RPH3A: variants seen among roughly 807,000 people sequenced by gnomAD.
RPH3A encodes rabphilin-3A.
A neutral mutation model predicts 102.2 loss-of-function variants in RPH3A; 48 were observed. The ratio of observed to expected loss-of-function variants is 0.47; its 90% CI spans 0.37 to 0.60. The LOEUF is 0.60. Among genes scored for constraint, RPH3A ranks in the 20% least tolerant of loss-of-function variants. RPH3A has a pLI of 0.00. For missense variants in RPH3A, 781 were observed against 910.1 expected, an observed-to-expected ratio of 0.86 and a Z score of 1.83; for synonymous variants, 310 against 324.3, an observed-to-expected ratio of 0.96 and a Z score of 0.47.
chr12:112,656,628 T>A (rs910524267), intron 1 of RPH3A, among the ~76,000 whole-genome samples: 1 of 152,202 alleles, frequency 6.6e-6, no homozygotes, highest in Admixed American at 6.5e-5. Context: ...TATGTCCATT[T>A]GTACTCATCG....
At chr12:112,734,997 C>T (rs1211612614) in intron 1 of RPH3A, among the ~76,000 whole-genome samples, 3 of 152,170 alleles carry the variant, frequency 2.0e-5, no homozygotes, top group Non-Finnish European at 4.4e-5. Flanking sequence ...TGCCTAACCT[C>T]CTGGGAGTGC....
chr12:112,643,537 G>T (rs2039905572), intron 1 of RPH3A, among the ~76,000 whole-genome samples: 1 of 152,234 alleles, frequency 6.6e-6, no homozygotes, highest in Non-Finnish European at 1.5e-5. Flanking sequence ...ATAAAGAGAA[G>T]ACATAGTTTC....
intron 1 of RPH3A, among the ~76,000 whole-genome samples, chr12:112,608,207 C>T (rs2087894274): frequency 6.6e-6 from 1 of 151,566 alleles, no homozygotes; most frequent in Non-Finnish European, 1.5e-5. Flanking sequence ...TCTCTGCCTG[C>T]CGGGTTCAAG....
At chr12:112,836,407 C>A in intron 3 of RPH3A, 84 bp from the exon 4 acceptor site, 1 of 730,104 alleles carries the variant, frequency 1.4e-6, no homozygotes, top group Non-Finnish European at 2.2e-6. Flanking sequence ...GTGAGTGTTG[C>A]ATCCAGACAG....
chr12:112,818,239 C>A (rs1489311337), intron 2 of RPH3A, among the ~76,000 whole-genome samples: 1 of 146,650 alleles, frequency 6.8e-6, no homozygotes, highest in Non-Finnish European at 1.5e-5. Context: ...GGCAGAGCTT[C>A]AGTGAGCCGA....
chr12:112,685,413 C>T (rs985040345), intron 1 of RPH3A, among the ~76,000 whole-genome samples: 1 of 152,184 alleles, frequency 6.6e-6, no homozygotes, highest in African/African-American at 2.4e-5. Flanking sequence ...TAAGTCTCAG[C>T]CACTGTGGCT....
intron 3 of RPH3A, among the ~76,000 whole-genome samples, chr12:112,830,241 A>T (rs1347585653): frequency 6.6e-6 from 1 of 152,070 alleles, no homozygotes; most frequent in Non-Finnish European, 1.5e-5. Flanking sequence ...ATTGTTTCTC[A>T]TTTCTATGTA....
rs556612058 is a variant in RPH3A, at chr12:112,847,764, C to G, written c.152C>G (p.Thr51Ser). ...PDRQRKQEELTDEEKEIINRV... is the reference protein window; with the variant it reads ...PDRQRKQEELSDEEKEIINRV... Reference sequence around the variant, plus strand: ...AGGCAGAGGAAGCAGGAAGAGCTGACTGATGAGGAGAAAGAAATCATCAAC... The same window carrying G: ...AGGCAGAGGAAGCAGGAAGAGCTGAGTGATGAGGAGAAAGAAATCATCAAC... The change falls in exon 5 of 22, where the codon ACT becomes AGT. Residue 51 changes from threonine (T) to serine (S), a missense_variant. Transcript: ENST00000389385. 6.8e-6 allele frequency: 11 copies of G among 1,614,206 alleles called. No individual in the cohort carries two copies. In the African/African-American group the frequency reaches 1.5e-4, roughly 22 times the overall value.
At chr12:112,843,201 C>T (rs1345252822) in intron 4 of RPH3A, among the ~76,000 whole-genome samples, 1 of 152,184 alleles carries the variant, frequency 6.6e-6, no homozygotes, top group Non-Finnish European at 1.5e-5. Flanking sequence ...CATCGCTCCT[C>T]GACTCAGGAA....
In RPH3A at chr12:112,847,749, A is replaced by C; in HGVS notation, c.137A>C (p.Lys46Thr). 1 of 1,614,180 alleles carries C rather than the reference A, an allele frequency of 6.2e-7. No homozygotes were observed. The highest frequency in any genetic ancestry group is 8.5e-7 in the Non-Finnish European group (1 of 1,180,010). The change falls in exon 5 of 22, where the codon AAG becomes ACG. Residue 46 changes from lysine (K) to threonine (T), a missense_variant. By Grantham distance (78) the Lys-to-Thr change is moderately conservative. Around this residue, in one of 2 missense-constraint regions of RPH3A, gnomAD observed 730 missense variants for 810.0 expected, o/e 0.90. Transcript: ENST00000389385. ...GGTGGTCAGCCTGACAGGCAGAGGA[A>C]GCAGGAAGAGCTGACTGATGAGGAG... The part of the protein sequence containing the change: ...HPGGQPDRQR[K>T]QEELTDEEKE...
chr12:112,803,976 A>G (rs929203465), intron 2 of RPH3A, among the ~76,000 whole-genome samples: 1 of 152,238 alleles, frequency 6.6e-6, no homozygotes, highest in Non-Finnish European at 1.5e-5. Context: ...TTAATACAAT[A>G]TGAGGCACCC....
chr12:112,741,878 C>T (rs1374806271), intron 1 of RPH3A, among the ~76,000 whole-genome samples: 9 of 152,150 alleles, frequency 5.9e-5, no homozygotes, highest in African/African-American at 1.9e-4. Context: ...ATGGGGTTAG[C>T]GATTGTGCCT....
rs2040263058 is a variant in RPH3A, at chr12:112,686,366, C to A, written c.-139-105777C>A. On this transcript the variant is annotated intron_variant, in intron 1 of 21. Coordinates refer to the RPH3A transcript ENST00000543106. Reference sequence around the variant, plus strand: ...GCCCTTGCAATGCCTTATACCCCAACCAGTAGACTGAAGTCTATTTATTCA... The same window carrying A: ...GCCCTTGCAATGCCTTATACCCCAAACAGTAGACTGAAGTCTATTTATTCA... Among the ~76,000 whole-genome samples the A allele has an allele frequency of 2.0e-5, 3 of 152,268 alleles. No homozygotes were observed. The South Asian group carries it at 6.2e-4, about 32-fold the overall frequency.
intron 3 of RPH3A, among the ~76,000 whole-genome samples, chr12:112,829,387 C>CA (rs141481920): frequency 0.24 from 35,754 of 151,592 alleles, 4,397 homozygotes; most frequent in Middle Eastern, 0.3. Flanking sequence ...CCTCTTGTCT[C>CA]AGCCTCCTGA....
intron 1 of RPH3A, among the ~76,000 whole-genome samples, chr12:112,584,921 A>T (rs954523913): frequency 1.3e-5 from 2 of 152,200 alleles, no homozygotes; most frequent in African/African-American, 4.8e-5. Context: ...AAGTCCCACG[A>T]TAGGCTGTCT....
chr12:112,717,252 C>T (rs542060640), intron 1 of RPH3A, among the ~76,000 whole-genome samples: 3 of 152,154 alleles, frequency 2.0e-5, no homozygotes, highest in Non-Finnish European at 2.9e-5. Context: ...AGTGACGTAA[C>T]CACTACCTCA....
chr12:112,823,458 A>G lies in RPH3A; in HGVS notation c.-18-4843A>G, dbSNP rs147001637. On this transcript the variant is annotated intron_variant, in intron 2 of 21. Coordinates refer to ENST00000389385, the MANE Select transcript of RPH3A (RefSeq NM_001143854.2). ...GTAGGTATGGAATTTGGTGCATAGC[A>G]GGTGCTCAGAAAATTGTAAGTCATC... Among the ~76,000 whole-genome samples the G allele has an allele frequency of 1.2e-4, 18 of 152,344 alleles. 1 individual carries two copies. The highest frequency in any genetic ancestry group is 3.1e-4 in the African/African-American group (13 of 41,586).
intron 2 of RPH3A, among the ~76,000 whole-genome samples, chr12:112,820,528 T>C (rs1278246489): frequency 6.6e-6 from 1 of 152,196 alleles, no homozygotes; most frequent in Non-Finnish European, 1.5e-5. Flanking sequence ...AAAATGGAGA[T>C]AATACTTGTA....
intron 2 of RPH3A, among the ~76,000 whole-genome samples, chr12:112,805,029 G>GAA (rs150702225): frequency 6.6e-6 from 1 of 151,462 alleles, no homozygotes; most frequent in African/African-American, 2.4e-5. Flanking sequence ...AGTTTTCCTA[G>GAA]AAAAAACAAA....
Sources: gnomAD v4.1 joint callset for allele counts (sites outside exome capture counted in the v4.1 genomes callset) on GRCh38, gnomAD v4.1.1 for gene constraint, gnomAD v4.1.1 regional missense constraint, MANE v1.5 for transcripts, NCBI Gene and HGNC (gene_info 2026-07-23, HGNC 2026-07-21) for gene names.